Variants in ELOVL4 observed in about 807,000 individuals in gnomAD.
The protein encoded by ELOVL4 is ELOVL fatty acid elongase 4.
Under a neutral mutation model 42.1 loss-of-function variants are expected in ELOVL4, and 18 were observed. The observed-to-expected ratio is 0.43, with a 90% confidence interval of 0.30 to 0.63. The LOEUF (loss-of-function observed/expected upper bound fraction) is 0.63. Among genes scored for constraint, ELOVL4 ranks in the 30% least tolerant of loss-of-function variants. The pLI is 0.15. For missense variants in ELOVL4, 299 were observed against 376.2 expected, an observed-to-expected ratio of 0.79 and a Z score of 1.70; for synonymous variants, 117 against 127.0, an observed-to-expected ratio of 0.92 and a Z score of 0.53.
At chr6:79,924,551 T>C (rs1359150936) in intron 3 of ELOVL4, among the ~76,000 whole-genome samples, 1 of 152,154 alleles carries the variant, frequency 6.6e-6, no homozygotes, top group Non-Finnish European at 1.5e-5. Flanking sequence ...TTAAAGTACA[T>C]TTTGCCAGGT....
chr6:79,938,902 C>G (rs1258798364), intron 1 of ELOVL4, among the ~76,000 whole-genome samples: 1 of 152,194 alleles, frequency 6.6e-6, no homozygotes, highest in African/African-American at 2.4e-5. Context: ...AAGACAAGAG[C>G]ACTGGGCTAG....
intron 1 of ELOVL4, among the ~76,000 whole-genome samples, chr6:79,927,643 T>G (rs1295649232): frequency 6.6e-6 from 1 of 152,122 alleles, no homozygotes; most frequent in South Asian, 2.1e-4. Context: ...ATGACACAAC[T>G]ATGGTTTTAA....
rs1774258535 is a variant in ELOVL4, at chr6:79,921,615, A to T, written c.541+10T>A. On this transcript the variant is annotated intron_variant, in intron 4 of 5. Coordinates refer to ENST00000369816, the MANE Select transcript of ELOVL4 (RefSeq NM_022726.4). Reference sequence around the variant, plus strand: ...TTAAACGCAAGCAGTATATTCCTGAAAATGCTCACCTTGTCCTCCTGCAAC... The same window carrying T: ...TTAAACGCAAGCAGTATATTCCTGATAATGCTCACCTTGTCCTCCTGCAAC... 1 of 1,613,790 alleles carries T rather than the reference A, an allele frequency of 6.2e-7. No homozygotes were observed. Among genetic ancestry groups the T allele is most frequent in the African/African-American group, 1.3e-5 (1 of 74,878 alleles).
chr6:79,932,209 A>C (rs1774456810), intron 1 of ELOVL4, among the ~76,000 whole-genome samples: 1 of 152,200 alleles, frequency 6.6e-6, no homozygotes, highest in Non-Finnish European at 1.5e-5. Context: ...TGTTCACTAA[A>C]AGGAGTCAAT....
Position 79,919,372 on chromosome 6 carries a change from A to G in ELOVL4, c.669+48T>C, listed in dbSNP as rs115885157. The G allele has an allele frequency of 2.9e-4, 457 of 1,599,576 alleles. 1 individual carries two copies. The African/African-American group carries it at 5.4e-3, about 19-fold the overall frequency. On this transcript the variant is annotated intron_variant, in intron 5 of 5. Coordinates refer to ENST00000369816, the MANE Select transcript of ELOVL4 (RefSeq NM_022726.4). ...GCACTTTAAAATTAATCAAATTTAA[A>G]CAATTTCAGTATTTTACCAGAAGAA... is the stretch of plus-strand genomic sequence containing the variant.
At chr6:79,940,759 C>T (rs1337309955) in intron 1 of ELOVL4, among the ~76,000 whole-genome samples, 1 of 152,010 alleles carries the variant, frequency 6.6e-6, no homozygotes, top group African/African-American at 2.4e-5. Context: ...ATATGCCATC[C>T]TCAAAAGCTG....
At chr6:79,943,513 T>C (rs1292251342) in intron 1 of ELOVL4, among the ~76,000 whole-genome samples, 1 of 152,182 alleles carries the variant, frequency 6.6e-6, no homozygotes, top group Non-Finnish European at 1.5e-5. Context: ...AAAACAACTG[T>C]ATATTCCTTT....
chr6:79,934,134 G>A (rs1774503673), intron 1 of ELOVL4, among the ~76,000 whole-genome samples: 1 of 152,160 alleles, frequency 6.6e-6, no homozygotes, highest in Non-Finnish European at 1.5e-5. Context: ...CCAGGGCTGT[G>A]GACACACAGA....
intron 1 of ELOVL4, among the ~76,000 whole-genome samples, chr6:79,932,177 G>A (rs1774456521): frequency 6.6e-6 from 1 of 152,150 alleles, no homozygotes; most frequent in African/African-American, 2.4e-5. Context: ...ATGTAACTAT[G>A]TGTTTGTCAA....
At chr6:79,921,186 G>A (rs1774245333) in intron 4 of ELOVL4, among the ~76,000 whole-genome samples, 2 of 152,074 alleles carry the variant, frequency 1.3e-5, no homozygotes, top group Admixed American at 1.3e-4. Flanking sequence ...TGATGGCTGG[G>A]TGTGGTGGCT....
At chr6:79,927,421 A>C (rs1774362180) in intron 1 of ELOVL4, among the ~76,000 whole-genome samples, 1 of 152,142 alleles carries the variant, frequency 6.6e-6, no homozygotes, top group African/African-American at 2.4e-5. Flanking sequence ...AACCAACCTA[A>C]ATGAATTTAA....
At chr6:79,942,789 G>A (rs1382480337) in intron 1 of ELOVL4, among the ~76,000 whole-genome samples, 1 of 152,140 alleles carries the variant, frequency 6.6e-6, no homozygotes. Context: ...TATCATTGGG[G>A]AATGGATAAG....
At chr6:79,938,766 C>T (rs887871155) in intron 1 of ELOVL4, among the ~76,000 whole-genome samples, 2 of 152,090 alleles carry the variant, frequency 1.3e-5, no homozygotes, top group Non-Finnish European at 1.5e-5. Context: ...AATATTATGA[C>T]TTTGTTCAGA....
Position 79,916,484 on chromosome 6 carries a change from G to A in ELOVL4, c.*124C>T. ...CTTTACTCAGTCTAAGAGTTACTAGGACATAGAGCACATTTGTCTTTTCTC... is the reference window on the plus strand; with the variant it reads ...CTTTACTCAGTCTAAGAGTTACTAGAACATAGAGCACATTTGTCTTTTCTC... On this transcript the variant is annotated 3_prime_UTR_variant, in exon 6 of 6. Coordinates refer to ENST00000369816, the MANE Select transcript of ELOVL4 (RefSeq NM_022726.4). 1 of 1,045,144 alleles carries A rather than the reference G, an allele frequency of 9.6e-7. No homozygotes were observed. The highest frequency in any genetic ancestry group is 1.5e-6 in the Non-Finnish European group (1 of 678,400). The allele number at this position is 1,045,144 out of a possible 1,614,324, so 64.7% of individuals were successfully genotyped here. A position where few individuals can be genotyped will look rare whatever the true frequency, so the allele number is the denominator to read the frequency against.
In ELOVL4 at chr6:79,921,631, C is replaced by A; in HGVS notation, c.535G>T (p.Gly179Ter). The A allele has an allele frequency of 2.5e-6, 4 of 1,613,972 alleles. No homozygotes were observed. Among genetic ancestry groups the A allele is most frequent in the Non-Finnish European group, 3.4e-6 (4 of 1,179,972 alleles). The change falls in exon 4 of 6, where the codon GGA (glycine) becomes TGA (stop). Residue 179 changes from glycine (G) to a stop codon, truncating the protein, a stop_gained. Coordinates refer to ENST00000369816, the MANE Select transcript of ELOVL4 (RefSeq NM_022726.4). LOFTEE classifies it high-confidence loss of function. The part of the protein sequence containing the change: ...WWIGIKWVAG[G>*]QAFFGAQLNS... The stretch of plus-strand genomic sequence containing the variant: ...TATTCCTGAAAATGCTCACCTTGTC[C>A]TCCTGCAACCCACTTAATTCCAATC...
intron 1 of ELOVL4, among the ~76,000 whole-genome samples, chr6:79,941,817 ACATAT>A (rs1369726921): frequency 6.6e-6 from 1 of 152,244 alleles, no homozygotes; most frequent in Non-Finnish European, 1.5e-5. Flanking sequence ...ATCTCCTGAT[ACATAT>A]CATATCAACA....
At chr6:79,922,527 T>C (rs777238206) in intron 3 of ELOVL4, among the ~76,000 whole-genome samples, 4 of 152,246 alleles carry the variant, frequency 2.6e-5, no homozygotes, top group African/African-American at 7.2e-5. Context: ...GACCTCTGTA[T>C]GTTTTAAAAT....
At chr6:79,930,825 G>A (rs571887295) in intron 1 of ELOVL4, among the ~76,000 whole-genome samples, 28 of 151,970 alleles carry the variant, frequency 1.8e-4, no homozygotes, top group Non-Finnish European at 3.5e-4. Flanking sequence ...CTCTCATTTG[G>A]GCTATGTATT....
chr6:79,920,679 GA>G (rs1253419302), intron 4 of ELOVL4, among the ~76,000 whole-genome samples: 2 of 152,162 alleles, frequency 1.3e-5, no homozygotes, highest in African/African-American at 4.8e-5. Flanking sequence ...TGTGTACTCT[GA>G]ACATCAGAAA....
Sources: gnomAD v4.1 joint callset for allele counts (sites outside exome capture counted in the v4.1 genomes callset) on GRCh38, gnomAD v4.1.1 for gene constraint, MANE v1.5 for transcripts, NCBI Gene and HGNC (gene_info 2026-07-23, HGNC 2026-07-21) for gene names.